The following DOCK7 variants were observed in gnomAD, a reference collection of about 807,000 sequenced individuals.
DOCK7 encodes the protein dedicator of cytokinesis 7.
A neutral mutation model predicts 271.0 loss-of-function variants in DOCK7; 138 were observed. The observed-to-expected ratio is 0.51, with a 90% confidence interval of 0.44 to 0.59. The LOEUF (loss-of-function observed/expected upper bound fraction) is 0.59, where lower values mean the gene tolerates loss of function less well. DOCK7 is among the 20% of genes least tolerant of loss of function. The probability of loss-of-function intolerance (pLI) is 0.00; values close to 1 mark genes in which losing one functional copy is unlikely to be tolerated. For missense variants in DOCK7, 2,066 were observed against 2,592.4 expected (o/e 0.80, Z 4.41); for synonymous variants, 823 against 876.1 (o/e 0.94, Z 1.07).
intron 18 of DOCK7, among the ~76,000 whole-genome samples, chr1:62,566,267 G>A (rs2149454073): frequency 6.6e-6 from 1 of 152,200 alleles, no homozygotes; most frequent in African/African-American, 2.4e-5. Flanking sequence ...GAACAAAGCT[G>A]GAGGCATCAC....
intron 7 of DOCK7, chr1:62,641,679 G>C (rs1232634197): frequency 9.4e-6 from 4 of 423,964 alleles, no homozygotes; most frequent in Non-Finnish European, 1.9e-5. Context: ...GGGCAACCCG[G>C]AGATGGCCTC....
intron 16 of DOCK7, among the ~76,000 whole-genome samples, chr1:62,581,046 G>A (rs1229740420): frequency 6.6e-6 from 1 of 152,040 alleles, no homozygotes; most frequent in East Asian, 1.9e-4. Context: ...ATAACCACAG[G>A]CCTAAAATAT....
At chr1:62,540,636 A>G (rs1243119588) in intron 25 of DOCK7, among the ~76,000 whole-genome samples, 1 of 152,190 alleles carries the variant, frequency 6.6e-6, no homozygotes. Context: ...AAATATGAGG[A>G]CTATATTGTA....
chr1:62,531,745 G>A (rs1645180588), intron 29 of DOCK7, among the ~76,000 whole-genome samples: 1 of 152,194 alleles, frequency 6.6e-6, no homozygotes, highest in Non-Finnish European at 1.5e-5. Flanking sequence ...AGACAATGCT[G>A]CATATAATCT....
rs150269168 is a variant in DOCK7 at position 62,554,940 on chromosome 1, T to A, written c.2596+885A>T. On this transcript the variant is annotated intron_variant, in intron 21 of 49. Coordinates refer to ENST00000635253, the MANE Select transcript of DOCK7 (RefSeq NM_001367561.1). The stretch of plus-strand genomic sequence containing the variant: ...AGGTTACTATTATGTCTAGTGTTCA[T>A]AACGAACGTCACAATTATTAGTCAC... Among the ~76,000 whole-genome samples the A allele has an allele frequency of 1.9e-3, 283 of 152,364 alleles. 1 individual carries two copies. The highest frequency in any genetic ancestry group is 6.6e-3 in the African/African-American group (275 of 41,592).
At chr1:62,483,268 C>T (rs1449912526) in intron 43 of DOCK7, 3 of 141,608 alleles carry the variant, frequency 2.1e-5, no homozygotes, top group South Asian at 4.5e-4. Flanking sequence ...AGGCCTCAAG[C>T]GAGGATCGCG....
chr1:62,490,417 T>C (rs1268517234), intron 41 of DOCK7, among the ~76,000 whole-genome samples: 1 of 152,022 alleles, frequency 6.6e-6, no homozygotes, highest in Non-Finnish European at 1.5e-5. Flanking sequence ...TCTTTAATAA[T>C]GGATTGGTGC....
At chr1:62,671,393 G>C (rs933254179) in intron 1 of DOCK7, among the ~76,000 whole-genome samples, 3 of 152,188 alleles carry the variant, frequency 2.0e-5, no homozygotes, top group African/African-American at 7.2e-5. Flanking sequence ...TGCTTGAATG[G>C]AACAACTTAC....
At chr1:62,640,091 T>C (rs1409669086) in intron 7 of DOCK7, among the ~76,000 whole-genome samples, 1 of 152,202 alleles carries the variant, frequency 6.6e-6, no homozygotes, top group African/African-American at 2.4e-5. Context: ...TGTACCACTC[T>C]ACATACTCAC....
intron 1 of DOCK7, among the ~76,000 whole-genome samples, chr1:62,669,412 G>C (rs76868908): frequency 6.6e-6 from 1 of 152,184 alleles, no homozygotes; most frequent in African/African-American, 2.4e-5. Flanking sequence ...TTGGCTTTCC[G>C]GGTCTGACAC....
chr1:62,578,737 A>AC (rs1005475802), intron 17 of DOCK7, 91 bp downstream of exon 17: 3 of 1,050,468 alleles, frequency 2.9e-6, no homozygotes, highest in African/African-American at 3.4e-5. Context: ...AAAAAAAAAA[A>AC]AACCCACAAA....
intron 6 of DOCK7, 37 bp from the exon 7 acceptor site, chr1:62,647,813 T>A: frequency 6.5e-6 from 9 of 1,380,810 alleles, no homozygotes; most frequent in Non-Finnish European, 8.1e-6. Context: ...TGAATATGCT[T>A]ATCATATTCC....
At chr1:62,459,748 A>T (rs1269814023) in intron 48 of DOCK7, among the ~76,000 whole-genome samples, 1 of 152,172 alleles carries the variant, frequency 6.6e-6, no homozygotes, top group Admixed American at 6.6e-5. Flanking sequence ...ACTAACTTCT[A>T]CTAAACATCC....
At chr1:62,472,459 C>T (rs1234702594) in intron 48 of DOCK7, among the ~76,000 whole-genome samples, 1 of 152,126 alleles carries the variant, frequency 6.6e-6, no homozygotes, top group Non-Finnish European at 1.5e-5. Context: ...GATAGTAACA[C>T]TTAAGGAGAC....
intron 18 of DOCK7, among the ~76,000 whole-genome samples, chr1:62,576,278 A>G (rs1466307742): frequency 6.6e-6 from 1 of 152,218 alleles, no homozygotes; most frequent in Admixed American, 6.5e-5. Flanking sequence ...AGAGGCTGCT[A>G]TTTAGAATAA....
At chr1:62,601,769 G>A in intron 14 of DOCK7, 1 of 1,591,500 alleles carries the variant, frequency 6.3e-7, no homozygotes, top group Non-Finnish European at 8.6e-7. Flanking sequence ...TTGATTCTAG[G>A]CATTCCTGCT....
intron 14 of DOCK7, among the ~76,000 whole-genome samples, chr1:62,609,851 C>T (rs1391388469): frequency 8.7e-5 from 13 of 149,844 alleles, no homozygotes; most frequent in Admixed American, 2.0e-4. Flanking sequence ...TTTTTTTTTT[C>T]GAGATGGAGT....
At chr1:62,598,104 T>C in intron 14 of DOCK7, 1 of 1,499,564 alleles carries the variant, frequency 6.7e-7, no homozygotes, top group Non-Finnish European at 8.9e-7. Flanking sequence ...GTTTTCAATG[T>C]GGATCTTTTA....
At chr1:62,463,987 C>T (rs1645602584) in intron 48 of DOCK7, among the ~76,000 whole-genome samples, 1 of 152,072 alleles carries the variant, frequency 6.6e-6, no homozygotes, top group African/African-American at 2.4e-5. Context: ...TAATGAAAAA[C>T]GTTTTAAAAA....
Sources: allele counts gnomAD v4.1 joint callset (sites outside exome capture counted in the v4.1 genomes callset), GRCh38; gene constraint gnomAD v4.1.1; transcripts MANE v1.5; gene names NCBI Gene and HGNC (gene_info 2026-07-23, HGNC 2026-07-21).